TENM4: variants seen among roughly 807,000 people sequenced by gnomAD.
TENM4 encodes teneurin transmembrane protein 4, also known as teneurin-4.
Under a neutral mutation model 243.3 loss-of-function variants are expected in TENM4, and 82 were observed. The observed-to-expected ratio is 0.34, with a 90% CI of 0.28 to 0.40. TENM4 has a LOEUF of 0.40. Among genes scored for constraint, TENM4 ranks in the 10% least tolerant of loss-of-function variants. The pLI, the probability that TENM4 is intolerant of heterozygous loss-of-function variation, is 1.00. For missense variants in TENM4, 3,138 were observed against 3,673.3 expected, an observed-to-expected ratio of 0.85 and a Z score of 3.77; for synonymous variants, 1,412 against 1,456.3, an observed-to-expected ratio of 0.97 and a Z score of 0.69.
chr11:78,663,685 G>A (rs1484377604), intron 32 of TENM4, among the ~76,000 whole-genome samples: 1 of 152,112 alleles, frequency 6.6e-6, no homozygotes, highest in Admixed American at 6.5e-5. Context: ...AATTACCCAT[G>A]AGCCTCTTTT....
chr11:78,845,102 G>A (rs1858359475), intron 12 of TENM4, among the ~76,000 whole-genome samples: 1 of 152,168 alleles, frequency 6.6e-6, no homozygotes, highest in Admixed American at 6.5e-5. Context: ...CTCCCATGGA[G>A]CTCCCACAGA....
At chr11:79,168,886 C>G (rs1432103904) in intron 3 of TENM4, among the ~76,000 whole-genome samples, 1 of 152,178 alleles carries the variant, frequency 6.6e-6, no homozygotes, top group Non-Finnish European at 1.5e-5. Flanking sequence ...TGCTCAGCTG[C>G]CCAGGTGAAC....
chr11:78,817,236 CA>C (rs58179440), intron 12 of TENM4, among the ~76,000 whole-genome samples: 4,314 of 152,202 alleles, frequency 0.028, 193 homozygotes, highest in African/African-American at 0.099. Context: ...GCATTTATAG[CA>C]GATGCATTTT....
At chr11:78,880,273 A>C (rs1469509027) in intron 9 of TENM4, among the ~76,000 whole-genome samples, 1 of 152,148 alleles carries the variant, frequency 6.6e-6, no homozygotes. Flanking sequence ...CTTAAGAGTC[A>C]TCACCACTTC....
At chr11:79,338,892 A>C (rs1426490806) in intron 1 of TENM4, among the ~76,000 whole-genome samples, 1 of 152,220 alleles carries the variant, frequency 6.6e-6, no homozygotes. Context: ...CAGGGCATCC[A>C]AATGGGCTTT....
intron 3 of TENM4, among the ~76,000 whole-genome samples, chr11:79,213,961 C>T (rs1467051247): frequency 6.6e-6 from 1 of 151,988 alleles, no homozygotes; most frequent in Non-Finnish European, 1.5e-5. Context: ...TGTGACCCCA[C>T]TTTACCTGTC....
intron 10 of TENM4, among the ~76,000 whole-genome samples, chr11:78,859,598 G>T (rs1439538798): frequency 1.3e-5 from 2 of 152,190 alleles, no homozygotes; most frequent in African/African-American, 4.8e-5. Context: ...TTCTTGAACT[G>T]AGATCTACCT....
At chr11:78,821,441 A>G (rs569640473) in intron 12 of TENM4, among the ~76,000 whole-genome samples, 11 of 152,370 alleles carry the variant, frequency 7.2e-5, no homozygotes, top group African/African-American at 2.6e-4. Context: ...ATCAGGTTCC[A>G]GAGGCGTTTG....
At chr11:78,761,155 T>A (rs754098575) in intron 18 of TENM4, among the ~76,000 whole-genome samples, 83 of 152,346 alleles carry the variant, frequency 5.4e-4, no homozygotes, top group Admixed American at 1.5e-3. Flanking sequence ...ACGTGTTCTA[T>A]GATTCTGTTA....
chr11:78,988,678 C>T (rs1051876177), intron 6 of TENM4, among the ~76,000 whole-genome samples: 3 of 152,118 alleles, frequency 2.0e-5, no homozygotes, highest in African/African-American at 4.8e-5. Flanking sequence ...CCCCCCACTC[C>T]CTTTTTGTAA....
chr11:78,852,065 G>A (rs1858553006), intron 12 of TENM4, among the ~76,000 whole-genome samples: 1 of 152,156 alleles, frequency 6.6e-6, no homozygotes, highest in Non-Finnish European at 1.5e-5. Flanking sequence ...TTCACTGCAC[G>A]ACACTGCACC....
intron 19 of TENM4, among the ~76,000 whole-genome samples, chr11:78,753,905 T>G (rs1000171838): frequency 4.6e-5 from 7 of 152,104 alleles, no homozygotes; most frequent in Non-Finnish European, 8.8e-5. Context: ...CAAAGTTGAC[T>G]TCTTCTGCTT....
At chr11:79,037,664 G>C (rs1229085455) in intron 6 of TENM4, among the ~76,000 whole-genome samples, 1 of 152,076 alleles carries the variant, frequency 6.6e-6, no homozygotes, top group East Asian at 1.9e-4. Context: ...ATGTGTAAGA[G>C]ACTTTTCTCC....
chr11:79,175,388 TG>T (rs1863141026), intron 3 of TENM4, among the ~76,000 whole-genome samples: 1 of 152,216 alleles, frequency 6.6e-6, no homozygotes, highest in Non-Finnish European at 1.5e-5. Flanking sequence ...ATATCAGTGC[TG>T]GGTACTCATT....
intron 1 of TENM4, among the ~76,000 whole-genome samples, chr11:79,315,686 T>A (rs1047637520): frequency 3.3e-5 from 5 of 152,190 alleles, no homozygotes; most frequent in African/African-American, 4.8e-5. Flanking sequence ...CATCCCAAGG[T>A]GATTTGTGTG....
At chr11:78,719,852 C>T (rs1859605309) in intron 25 of TENM4, among the ~76,000 whole-genome samples, 1 of 152,208 alleles carries the variant, frequency 6.6e-6, no homozygotes. Context: ...GGATTGATCT[C>T]TGCAGTTGGT....
intron 1 of TENM4, among the ~76,000 whole-genome samples, chr11:79,432,295 A>T (rs1386436519): frequency 1.3e-5 from 2 of 152,136 alleles, no homozygotes; most frequent in Non-Finnish European, 2.9e-5. Context: ...CGTGAATGCT[A>T]TTTATCTGTC....
intron 6 of TENM4, among the ~76,000 whole-genome samples, chr11:78,938,063 G>A (rs1591145538): frequency 6.6e-6 from 1 of 152,166 alleles, no homozygotes; most frequent in Non-Finnish European, 1.5e-5. Flanking sequence ...TGATAATTGA[G>A]TGATTGTTCT....
rs376842336 is a variant in TENM4 at position 78,669,379 on chromosome 11, C to T, written c.6966G>A (p.Lys2322=). The T allele has an allele frequency of 4.6e-5, 75 of 1,613,514 alleles. No individual in the cohort carries two copies. The African/African-American group carries it at 9.0e-4, about 19-fold the overall frequency. Reference sequence around the variant, plus strand: ...TGGAGTGGTTGTACAGGTGGGTGACCTTGGTGGGGTTGGTCAGGTCTGCAT... The same window carrying T: ...TGGAGTGGTTGTACAGGTGGGTGACTTTGGTGGGGTTGGTCAGGTCTGCAT... The part of the protein sequence containing the change: ...FFYADLTNPT[K]VTHLYNHSSS... Residue 2322 remains lysine, a synonymous_variant, in exon 32 of 34, where the codon AAG becomes AAA. Transcript: ENST00000278550. The surrounding 1 kb of genome is among the most constrained non-coding windows in gnomAD (Gnocchi z 6.4).
Sources: gnomAD v4.1 joint callset for allele counts (sites outside exome capture counted in the v4.1 genomes callset) on GRCh38, gnomAD v4.1.1 for gene constraint, Gnocchi (gnomAD v3.1) non-coding constraint, MANE v1.5 for transcripts, NCBI Gene and HGNC (gene_info 2026-07-23, HGNC 2026-07-21) for gene names.